The following DNM2 variants were observed in gnomAD, a reference collection of about 807,000 sequenced individuals.
The protein encoded by DNM2 is dynamin-2.
In DNM2, 15 loss-of-function variants were observed where a neutral mutation model predicts 99.0. That is an observed-to-expected ratio of 0.15 (90% confidence interval 0.10 to 0.23). The LOEUF (loss-of-function observed/expected upper bound fraction) is 0.23. Ranked by LOEUF, DNM2 falls within the 10% of genes least tolerant of loss-of-function variation. DNM2 has a pLI of 1.00. For missense variants in DNM2, 742 were observed against 1,189.4 expected (o/e 0.62, Z 5.53); for synonymous variants, 525 against 481.2 (o/e 1.09, Z -1.19).
intron 1 of DNM2, among the ~76,000 whole-genome samples, chr19:10,735,259 C>G (rs992411126): frequency 4.6e-5 from 7 of 151,890 alleles, no homozygotes; most frequent in Non-Finnish European, 8.8e-5. Context: ...AGGATGGTCT[C>G]GATCTCCTGA....
intron 15 of DNM2, among the ~76,000 whole-genome samples, chr19:10,813,825 C>CAAA (rs371141451): frequency 3.5e-5 from 4 of 115,040 alleles, no homozygotes; most frequent in East Asian, 3.0e-4. Context: ...GACACTGTCT[C>CAAA]AAAAAAAAAA....
At chr19:10,794,204 A>G (rs1452561349) in intron 8 of DNM2, among the ~76,000 whole-genome samples, 1 of 152,220 alleles carries the variant, frequency 6.6e-6, no homozygotes, top group Non-Finnish European at 1.5e-5. Context: ...AGCATGTGCA[A>G]CATAGCACTG....
intron 7 of DNM2, among the ~76,000 whole-genome samples, chr19:10,793,111 C>T (rs1176213441): frequency 6.6e-6 from 1 of 152,054 alleles, no homozygotes; most frequent in African/African-American, 2.4e-5. Context: ...AGCATTTTTT[C>T]TTTTTTTGTG....
In DNM2 at chr19:10,812,513, G is replaced by A. The variant is rs1388359879; in HGVS notation, c.1671+136G>A. The A allele has an allele frequency of 6.9e-5, 46 of 667,408 alleles. No individual in the cohort carries two copies. The South Asian group carries it at 6.9e-4, about 10-fold the overall frequency. The allele number at this position is 667,408 out of a possible 1,614,324, so 41.3% of individuals were successfully genotyped here. A position where few individuals can be genotyped will look rare whatever the true frequency, so the allele number is the denominator to read the frequency against. The stretch of plus-strand genomic sequence containing the variant: ...CACCATTAGGACTGTAACTCGCCGG[G>A]CACGGTGGCTCCCGCCTGTAATCCC... On this transcript the variant is annotated intron_variant, in intron 15 of 20. Coordinates refer to ENST00000389253, the MANE Select transcript of DNM2 (RefSeq NM_001005361.3). The surrounding 1 kb of genome is among the most constrained non-coding windows in gnomAD (Gnocchi z 4.0).
In DNM2 at chr19:10,829,148, G is replaced by A. The variant is rs1160341992; in HGVS notation, c.2171G>A (p.Arg724His). The stretch of plus-strand genomic sequence containing the variant: ...GCACAGCGGCGGGACGACATGCTGC[G>A]CATGTACCATGCCCTCAAGGAGGCG... The part of the protein sequence containing the change: ...DQAQRRDDML[R>H]MYHALKEALN... Residue 724 changes from arginine (R) to histidine (H), a missense_variant, in exon 19 of 21, where the codon CGC (arginine) becomes CAC (histidine). Arg to His is a conservative substitution (Grantham distance 29, BLOSUM62 0). Around this residue, in one of 7 missense-constraint regions of DNM2, gnomAD observed 187 missense variants for 218.8 expected, o/e 0.85. Transcript: ENST00000389253. The A allele has an allele frequency of 6.2e-7, 1 of 1,613,914 alleles. No homozygotes were observed. The highest frequency in any genetic ancestry group is 1.7e-5 in the Admixed American group (1 of 60,022).
rs1328088313 is a variant in DNM2 at position 10,753,525 on chromosome 19, T to G, written c.162-6213T>G. 2.1e-5 allele frequency among the ~76,000 whole-genome samples: 3 copies of G among 142,372 alleles called. No individual in the cohort carries two copies. The East Asian group carries it at 6.4e-4, about 30-fold the overall frequency. 93.4% of individuals were successfully genotyped at this position (142,372 alleles called of 152,430 possible). A position where few individuals can be genotyped will look rare whatever the true frequency, so the allele number is the denominator to read the frequency against. On this transcript the variant is annotated intron_variant, in intron 1 of 20. Coordinates refer to ENST00000389253, the MANE Select transcript of DNM2 (RefSeq NM_001005361.3). ...ACAAACCTTTTCTTTTTTTCTCACT[T>G]AGTACACCAAAAAGGGAGTTACATG...
chr19:10,731,322 C>T lies in DNM2; in HGVS notation c.161+12919C>T, dbSNP rs188253305. Among the ~76,000 whole-genome samples, 3 of 152,012 alleles carry T rather than the reference C, an allele frequency of 2.0e-5. No individual in the cohort carries two copies. In the East Asian group the frequency reaches 5.8e-4, roughly 29 times the overall value. ...CCAGGATCCTGCAGCCACCAGGACA[C>T]TGCCTTTCCAGGTTGTTCTTTTCTT... On this transcript the variant is annotated intron_variant, in intron 1 of 20. Transcript: ENST00000389253.
chr19:10,726,232 T>TAAAAAAAAAAAAAAAAAAAAAAAAAAA (rs1568263636), intron 1 of DNM2, among the ~76,000 whole-genome samples: 5 of 13,580 alleles, frequency 3.7e-4, no homozygotes, highest in Admixed American at 8.5e-4. Context: ...AAAAAAAAAT[T>TAAAAAAAAAAAAAAAAAAAAAAAAAAA]TTTTTTTTTT....
At chr19:10,733,701 T>G (rs1599437897) in intron 1 of DNM2, among the ~76,000 whole-genome samples, 1 of 151,512 alleles carries the variant, frequency 6.6e-6, no homozygotes, top group Non-Finnish European at 1.5e-5. Flanking sequence ...CAACATAACC[T>G]CTTCTCTAAA....
rs563343803 is a variant in DNM2, at chr19:10,738,920, G to A, written c.161+20517G>A. Reference sequence around the variant, plus strand: ...TCAGTGACTCACGCCTGTAATCCCAGCACTTTGGGAGGCCGAGGTGGGCGG... The same window carrying A: ...TCAGTGACTCACGCCTGTAATCCCAACACTTTGGGAGGCCGAGGTGGGCGG... On this transcript the variant is annotated intron_variant, in intron 1 of 20. Transcript: ENST00000389253. Among the ~76,000 whole-genome samples, 85 of 149,708 alleles carry A rather than the reference G, an allele frequency of 5.7e-4. 1 individual carries two copies. The highest frequency in any genetic ancestry group is 1.1e-3 in the Non-Finnish European group (73 of 67,654).
intron 1 of DNM2, among the ~76,000 whole-genome samples, chr19:10,751,708 G>A (rs2145815322): frequency 6.6e-6 from 1 of 152,366 alleles, no homozygotes; most frequent in East Asian, 1.9e-4. Flanking sequence ...TCTCAGCCTG[G>A]CATGCGAGGC....
At chr19:10,800,900 C>T (rs554310072) in intron 11 of DNM2, among the ~76,000 whole-genome samples, 5 of 152,188 alleles carry the variant, frequency 3.3e-5, no homozygotes, top group East Asian at 1.9e-4. Context: ...ATAGCTTGAG[C>T]GTGTGTGTGT....
intron 12 of DNM2, among the ~76,000 whole-genome samples, chr19:10,805,121 G>A (rs1458608932): frequency 2.0e-5 from 3 of 152,200 alleles, no homozygotes; most frequent in South Asian, 2.1e-4. Flanking sequence ...CAGGAAGTAG[G>A]ATGGATAAAG....
intron 1 of DNM2, among the ~76,000 whole-genome samples, chr19:10,753,139 C>A (rs919073629): frequency 1.3e-5 from 2 of 152,040 alleles, no homozygotes; most frequent in South Asian, 2.1e-4. Context: ...AAAAAGAAAT[C>A]AAAAAGGTTA....
At position 10,736,224 on chromosome 19, in the gene DNM2, T is replaced by C. The variant is rs971095305; in HGVS notation, c.161+17821T>C. Among the ~76,000 whole-genome samples the C allele has an allele frequency of 9.5e-5, 14 of 147,858 alleles. 1 individual carries two copies. The highest frequency in any genetic ancestry group is 3.4e-3 in the Middle Eastern group (1 of 290). On this transcript the variant is annotated intron_variant, in intron 1 of 20. Coordinates refer to ENST00000389253, the MANE Select transcript of DNM2 (RefSeq NM_001005361.3). ...AGGTTGCAGTGAGCCAAGATCGCGC[T>C]ATTGCACTCCAGCCTGGGCAACAGA...
In DNM2 at chr19:10,820,081, G is replaced by A. The variant is rs201604679; in HGVS notation, c.1773G>A (p.Thr591=). The A allele has an allele frequency of 5.0e-6, 8 of 1,614,164 alleles. No homozygotes were observed. Among genetic ancestry groups the A allele is most frequent in the East Asian group, 4.5e-5 (2 of 44,880 alleles). ...SNKHVFAIFN[T]EQRNVYKDLR... is the part of the protein sequence containing the mutation. ...AGCACGTCTTCGCCATCTTCAACACGGAGCAGAGGTGAGGGGCCCAGGGGC... is the reference window on the plus strand; with the variant it reads ...AGCACGTCTTCGCCATCTTCAACACAGAGCAGAGGTGAGGGGCCCAGGGGC... Residue 591 remains threonine (T), a synonymous_variant, in exon 16 of 21, where the codon ACG becomes ACA. Coordinates refer to ENST00000389253, the MANE Select transcript of DNM2 (RefSeq NM_001005361.3). The surrounding 1 kb of genome is among the most constrained non-coding windows in gnomAD (Gnocchi z 4.3).
intron 7 of DNM2, among the ~76,000 whole-genome samples, chr19:10,790,519 C>G (rs992606514): frequency 4.6e-5 from 7 of 152,140 alleles, no homozygotes; most frequent in Non-Finnish European, 1.0e-4. Flanking sequence ...GTCACCCAGG[C>G]TGAAGCGCAG....
At position 10,818,579 on chromosome 19, in the gene DNM2, T is replaced by C. The variant is rs2072856113; in HGVS notation, c.1672-1401T>C. 6.6e-6 allele frequency among the ~76,000 whole-genome samples: 1 copy of C among 152,214 alleles called. No homozygotes were observed. Among genetic ancestry groups the C allele is most frequent in the Non-Finnish European group, 1.5e-5 (1 of 68,042 alleles). On this transcript the variant is annotated intron_variant, in intron 15 of 20. Coordinates refer to ENST00000389253, the MANE Select transcript of DNM2 (RefSeq NM_001005361.3). This position sits in a 1 kb window ranked among gnomAD's most constrained non-coding sequence, Gnocchi z 4.3. ...TGAGCCCATGTGCCAAGCCCACTGC[T>C]TCATCCTGGCTCCCCTTGCAAAGTC...
At chr19:10,760,063 T>C (rs567976145) in intron 2 of DNM2, among the ~76,000 whole-genome samples, 2 of 152,220 alleles carry the variant, frequency 1.3e-5, no homozygotes, top group East Asian at 3.9e-4. Context: ...AGACAGAGTC[T>C]CACTCTGTCA....
Sources: gnomAD v4.1 joint callset for allele counts (sites outside exome capture counted in the v4.1 genomes callset) on GRCh38, gnomAD v4.1.1 for gene constraint, gnomAD v4.1.1 regional missense constraint, Gnocchi (gnomAD v3.1) non-coding constraint, MANE v1.5 for transcripts, NCBI Gene and HGNC (gene_info 2026-07-23, HGNC 2026-07-21) for gene names.